The following URB1 variants were observed in gnomAD, a reference collection of about 807,000 sequenced individuals.
URB1 encodes the protein nucleolar pre-ribosomal-associated protein 1.
Under a neutral mutation model 242.3 loss-of-function variants are expected in URB1, and 197 were observed. That is an observed-to-expected ratio of 0.81 (90% confidence interval 0.72 to 0.91). The LOEUF (loss-of-function observed/expected upper bound fraction) is 0.91, where lower values mean the gene tolerates loss of function less well. URB1 is among the 40% of genes least tolerant of loss of function. The pLI is 0.00. For synonymous variants in URB1, 1,153 were observed against 1,201.8 expected (o/e 0.96, Z 0.84); for missense variants, 2,721 against 2,860.5 (o/e 0.95, Z 1.11).
rs1485958148 is a variant in URB1 at position 32,350,784 on chromosome 21, G to A, written c.2752C>T (p.His918Tyr). The A allele has an allele frequency of 6.4e-7, 1 of 1,551,418 alleles. No individual in the cohort carries two copies. The highest frequency in any genetic ancestry group is 2.4e-5 in the East Asian group (1 of 40,928). The change falls in exon 20 of 39, where the codon CAC becomes TAC. Residue 918 changes from histidine to tyrosine, a missense_variant. Transcript: ENST00000382751. ...IQVQLQATMP[H>Y]LSMQQVLLAA... is the part of the protein sequence containing the mutation. The stretch of plus-strand genomic sequence containing the variant: ...AGCAGGACCTGCTGCATGGACAGGT[G>A]TGGCATGGTGGCCTGCAGCTGCACC...
chr21:32,361,633 C>A (rs1279293332), intron 12 of URB1, among the ~76,000 whole-genome samples: 1 of 152,192 alleles, frequency 6.6e-6, no homozygotes, highest in Non-Finnish European at 1.5e-5. Flanking sequence ...GAGCACATGG[C>A]ACCCAACACT....
intron 26 of URB1, 39 bp from the exon 27 acceptor site, chr21:32,337,553 G>A: frequency 6.6e-7 from 1 of 1,507,870 alleles, no homozygotes. Context: ...GCATGGTGGG[G>A]CAGACACACT....
At chr21:32,353,163 C>G (rs748998709) in intron 18 of URB1, among the ~76,000 whole-genome samples, 3 of 152,176 alleles carry the variant, frequency 2.0e-5, no homozygotes, top group Non-Finnish European at 4.4e-5. Flanking sequence ...AAAGGCCAGG[C>G]AAAAGCCACC....
chr21:32,349,252 A>T, intron 21 of URB1, 52 bp downstream of exon 21: 1 of 1,450,978 alleles, frequency 6.9e-7, no homozygotes, highest in South Asian at 1.5e-5. Flanking sequence ...GTGAAGAGAA[A>T]GCCACTGCCC....
intron 4 of URB1, among the ~76,000 whole-genome samples, chr21:32,381,767 T>A (rs910769674): frequency 6.6e-6 from 1 of 152,222 alleles, no homozygotes; most frequent in Admixed American, 6.5e-5. Context: ...TAGTGAAATA[T>A]GATTCACGTC....
intron 1 of URB1, among the ~76,000 whole-genome samples, chr21:32,388,645 G>T (rs942394346): frequency 4.6e-5 from 7 of 152,308 alleles, no homozygotes; most frequent in Admixed American, 3.9e-4. Flanking sequence ...GAGCTCAGTC[G>T]GCACAGGCAC....
intron 24 of URB1, 98 bp from the exon 25 acceptor site, chr21:32,341,622 C>CATGGCCTG: frequency 9.5e-6 from 10 of 1,055,182 alleles, no homozygotes; most frequent in Non-Finnish European, 1.3e-5. Flanking sequence ...CATCTGCCTC[C>CATGGCCTG]ATGGCCTGAC....
At chr21:32,353,167 A>G (rs1396805910) in intron 18 of URB1, among the ~76,000 whole-genome samples, 3 of 152,168 alleles carry the variant, frequency 2.0e-5, no homozygotes, top group Non-Finnish European at 2.9e-5. Flanking sequence ...GCCAGGCAAA[A>G]GCCACCTGGG....
intron 26 of URB1, 37 bp downstream of exon 26, chr21:32,338,670 C>G (rs1341778684): frequency 4.5e-6 from 7 of 1,548,968 alleles, no homozygotes; most frequent in South Asian, 1.2e-5. Flanking sequence ...GAGATAAAAT[C>G]TGGATACGGA....
At chr21:32,374,891 T>A (rs543570146) in intron 6 of URB1, among the ~76,000 whole-genome samples, 201 of 152,374 alleles carry the variant, frequency 1.3e-3, no homozygotes, top group African/African-American at 4.6e-3. Context: ...TATTAGCCAT[T>A]TTCATGTGGA....
At chr21:32,362,664 C>T (rs1187447765) in intron 11 of URB1, among the ~76,000 whole-genome samples, 1 of 152,194 alleles carries the variant, frequency 6.6e-6, no homozygotes, top group Non-Finnish European at 1.5e-5. Flanking sequence ...GGGAAAGCTG[C>T]CCTGTGTAAC....
At chr21:32,385,070 G>A (rs1379748296) in intron 2 of URB1, among the ~76,000 whole-genome samples, 1 of 152,078 alleles carries the variant, frequency 6.6e-6, no homozygotes, top group Non-Finnish European at 1.5e-5. Context: ...AATCAAATGA[G>A]AAGAAAATTC....
At chr21:32,330,510 G>A (rs1386708740) in intron 30 of URB1, among the ~76,000 whole-genome samples, 1 of 149,402 alleles carries the variant, frequency 6.7e-6, no homozygotes, top group Non-Finnish European at 1.5e-5. Context: ...AAAAAGCACA[G>A]TACTCAAGAT....
intron 3 of URB1, 39 bp downstream of exon 3, chr21:32,384,274 A>G: frequency 1.3e-6 from 2 of 1,535,892 alleles, no homozygotes; most frequent in East Asian, 4.9e-5. Flanking sequence ...GACCAAACCC[A>G]AAGGCCCATC....
At chr21:32,325,511 G>GC in intron 30 of URB1, 122 bp from the exon 31 acceptor site, 1 of 1,289,036 alleles carries the variant, frequency 7.8e-7, no homozygotes. Context: ...CACAAGGAAT[G>GC]CAAGTCTCTC....
At position 32,316,496 on chromosome 21, in the gene URB1, A is replaced by C; in HGVS notation, c.6604T>G (p.Ser2202Ala). 6.5e-7 allele frequency: 1 copy of C among 1,539,222 alleles called. No homozygotes were observed. The highest frequency in any genetic ancestry group is 8.8e-7 in the Non-Finnish European group (1 of 1,141,850). Residue 2202 changes from serine (S) to alanine (A), a missense_variant, in exon 38 of 39, where the codon TCT (serine) becomes GCT (alanine). Ser to Ala is a moderately conservative substitution (Grantham distance 99). Transcript: ENST00000382751. Reference sequence around the variant, plus strand: ...GTGGCTTCATCCTTCTCACTCAGAGAAGACAGGGAGAGGGCTTCCATGGCC... The same window carrying C: ...GTGGCTTCATCCTTCTCACTCAGAGCAGACAGGGAGAGGGCTTCCATGGCC... ...HPAMEALSLS[S>A]LSEKDEATQA...
At chr21:32,368,100 C>T (rs1447805454) in intron 9 of URB1, among the ~76,000 whole-genome samples, 1 of 152,194 alleles carries the variant, frequency 6.6e-6, no homozygotes, top group African/African-American at 2.4e-5. Flanking sequence ...TGGAGTCTCG[C>T]TCTGTCACCC....
intron 20 of URB1, 49 bp from the exon 21 acceptor site, chr21:32,349,532 G>GCCA (rs2033132374): frequency 6.7e-7 from 1 of 1,484,532 alleles, no homozygotes; most frequent in Admixed American, 2.5e-5. Flanking sequence ...CGGGTTCACA[G>GCCA]CTACCAGGCA....
At position 32,311,899 on chromosome 21, in the gene URB1, C is replaced by G; in HGVS notation, c.*3019G>C. The G allele has an allele frequency of 6.2e-7, 1 of 1,614,010 alleles. No homozygotes were observed. The highest frequency in any genetic ancestry group is 1.1e-5 in the South Asian group (1 of 91,088). On this transcript the variant is annotated 3_prime_UTR_variant, in exon 39 of 39. Coordinates refer to ENST00000382751, the MANE Select transcript of URB1 (RefSeq NM_014825.3). ...CTCGGGGGTTTCCAGACCCACCCCA[C>G]TCTCCTCTGGGAACTGACCCTCAAT...
Sources: gnomAD v4.1 joint callset for allele counts (sites outside exome capture counted in the v4.1 genomes callset) on GRCh38, gnomAD v4.1.1 for gene constraint, MANE v1.5 for transcripts, NCBI Gene and HGNC (gene_info 2026-07-23, HGNC 2026-07-21) for gene names.